TRPC4: variants seen among roughly 807,000 people sequenced by gnomAD.
The protein encoded by TRPC4 is transient receptor potential cation channel subfamily C member 4, also known as short transient receptor potential channel 4.
A neutral mutation model predicts 99.4 loss-of-function variants in TRPC4; 49 were observed. The ratio of observed to expected loss-of-function variants is 0.49; its 90% CI spans 0.39 to 0.63. The LOEUF is 0.63. Ranked by LOEUF, TRPC4 falls within the 20% of genes least tolerant of loss-of-function variation. The probability of loss-of-function intolerance (pLI) is 0.00; values close to 1 mark genes in which losing one functional copy is unlikely to be tolerated. For missense variants in TRPC4, 898 were observed against 1,152.9 expected, an observed-to-expected ratio of 0.78 and a Z score of 3.20; for synonymous variants, 454 against 425.9, an observed-to-expected ratio of 1.07 and a Z score of -0.81.
chr13:37,867,136 A>ACAACAATCATATTTTCAAAAATT (rs1959813569), intron 1 of TRPC4, among the ~76,000 whole-genome samples: 1 of 151,948 alleles, frequency 6.6e-6, no homozygotes, highest in African/African-American at 2.4e-5. Context: ...TTTCAAAAAT[A>ACAACAATCATATTTTCAAAAATT]CAACAATCAT....
At chr13:37,642,982 A>G (rs7332408) in intron 8 of TRPC4, among the ~76,000 whole-genome samples, 150,193 of 152,198 alleles carry the variant, frequency 0.99, 74,142 homozygotes, top group Middle Eastern at 1. Context: ...TGCCTGCCTC[A>G]ATCTCCCAAA....
At chr13:37,843,951 C>T (rs1593304374) in intron 1 of TRPC4, among the ~76,000 whole-genome samples, 1 of 152,306 alleles carries the variant, frequency 6.6e-6, no homozygotes, top group South Asian at 2.1e-4. Context: ...TGTGCCACCC[C>T]TCTCCCAAGC....
chr13:37,637,450 AG>A lies in TRPC4; in HGVS notation c.2386del (p.Leu796PhefsTer4). On this transcript the variant is annotated frameshift_variant, in exon 11 of 11. Transcript: ENST00000379705. LOFTEE classifies it high-confidence loss of function. The stretch of plus-strand genomic sequence containing the variant: ...ATGAATCAGGGTGGTTAAATCAAAA[AG>A]GCTGAAATTCTTTTTCTTGTCCTTG... ...NSKDKKKNFS[L>X]FDLTTLIHPR... 1 of 1,613,680 alleles carries A rather than the reference AG, an allele frequency of 6.2e-7. No homozygotes were observed. Among genetic ancestry groups the A allele is most frequent in the South Asian group, 1.1e-5 (1 of 91,026 alleles).
Position 37,692,278 on chromosome 13 carries a change from G to T in TRPC4, c.955C>A (p.Pro319Thr). The T allele has an allele frequency of 6.2e-7, 1 of 1,614,096 alleles. No homozygotes were observed. The highest frequency in any genetic ancestry group is 8.5e-7 in the Non-Finnish European group (1 of 1,180,004). ...GCCCAGTGTCTTCTCCTCCAGCCTG[G>T]AAACTCATCGTACCAGCGAGATGCC... The part of the protein sequence containing the change: ...LLASRWYDEF[P>T]GWRRRHWAVK... Residue 319 changes from proline (P) to threonine (T), a missense_variant, in exon 4 of 11, where the codon CCA becomes ACA. Physicochemically the swap from Pro to Thr is conservative, Grantham distance 38. Around this residue, in one of 3 missense-constraint regions of TRPC4, gnomAD observed 274 missense variants for 454.9 expected, o/e 0.60. Transcript: ENST00000379705.
At chr13:37,815,471 C>A (rs930530043) in intron 1 of TRPC4, among the ~76,000 whole-genome samples, 11 of 148,980 alleles carry the variant, frequency 7.4e-5, no homozygotes, top group African/African-American at 2.2e-4. Flanking sequence ...ATTGATAGTT[C>A]AATTTCAGAC....
At chr13:37,808,059 G>C (rs1957575806) in intron 1 of TRPC4, among the ~76,000 whole-genome samples, 1 of 151,948 alleles carries the variant, frequency 6.6e-6, no homozygotes, top group African/African-American at 2.4e-5. Context: ...TTATTTAGCA[G>C]AACTTTTCTA....
At chr13:37,777,931 T>G (rs922138654) in intron 2 of TRPC4, among the ~76,000 whole-genome samples, 2 of 152,028 alleles carry the variant, frequency 1.3e-5, no homozygotes, top group African/African-American at 4.8e-5. Flanking sequence ...CACTCTGTGC[T>G]CTTTCCCAGC....
intron 1 of TRPC4, among the ~76,000 whole-genome samples, chr13:37,829,828 C>T (rs995515163): frequency 6.6e-6 from 1 of 152,108 alleles, no homozygotes; most frequent in African/African-American, 2.4e-5. Flanking sequence ...AGCACTAGTT[C>T]GTACTACAAC....
At chr13:37,662,421 G>A (rs1231690748) in intron 6 of TRPC4, among the ~76,000 whole-genome samples, 5 of 152,146 alleles carry the variant, frequency 3.3e-5, no homozygotes, top group Admixed American at 3.3e-4. Flanking sequence ...ATAAAAAGAT[G>A]ATGAATAACT....
chr13:37,726,185 G>C (rs949961905), intron 3 of TRPC4, among the ~76,000 whole-genome samples: 98 of 150,152 alleles, frequency 6.5e-4, no homozygotes, highest in African/African-American at 2.3e-3. Flanking sequence ...GACAGAGTGA[G>C]ACACCGTCCC....
At chr13:37,715,625 T>C (rs958468172) in intron 3 of TRPC4, among the ~76,000 whole-genome samples, 148 of 152,290 alleles carry the variant, frequency 9.7e-4, no homozygotes, top group African/African-American at 3.5e-3. Context: ...ATTTGAAATA[T>C]TGCTGTATCT....
rs74047198 is a variant in TRPC4, at chr13:37,839,579, T to G, written c.-28+30016A>C. Among the ~76,000 whole-genome samples, 1,018 of 152,296 alleles carry G rather than the reference T, an allele frequency of 6.7e-3. 14 individuals are homozygous for G. The highest frequency in any genetic ancestry group is 0.023 in the African/African-American group (965 of 41,574). Reference sequence around the variant, plus strand: ...ATCCTGTCATTTAATGAGGGATCATTATGTACCAAGCATTGTGATTTATTT... The same window carrying G: ...ATCCTGTCATTTAATGAGGGATCATGATGTACCAAGCATTGTGATTTATTT... On this transcript the variant is annotated intron_variant, in intron 1 of 10. Transcript: ENST00000379705.
intron 6 of TRPC4, among the ~76,000 whole-genome samples, chr13:37,658,069 T>G (rs1952303063): frequency 6.6e-6 from 1 of 152,196 alleles, no homozygotes. Context: ...GAAATGTTTT[T>G]GTCATTAGTA....
chr13:37,821,607 A>G (rs1349327525), intron 1 of TRPC4, among the ~76,000 whole-genome samples: 1 of 152,180 alleles, frequency 6.6e-6, no homozygotes, highest in Non-Finnish European at 1.5e-5. Context: ...ACTGGTAGAA[A>G]AAGAGACACA....
At position 37,739,393 on chromosome 13, in the gene TRPC4, G is replaced by A. The variant is rs370912187; in HGVS notation, c.897+6544C>T. ...ACATAAATGACTCAGTTATGACGGG[G>A]AACACCATAAGGACTATGGTGTTTT... On this transcript the variant is annotated intron_variant, in intron 3 of 10. Transcript: ENST00000379705. Among the ~76,000 whole-genome samples the A allele has an allele frequency of 7.3e-4, 111 of 152,114 alleles. 1 individual carries two copies. The highest frequency in any genetic ancestry group is 2.6e-3 in the African/African-American group (106 of 41,490).
chr13:37,849,162 A>C (rs1958991675), intron 1 of TRPC4, among the ~76,000 whole-genome samples: 1 of 152,160 alleles, frequency 6.6e-6, no homozygotes, highest in Admixed American at 6.6e-5. Flanking sequence ...ATAGAAGGGT[A>C]TCTCAGAGGT....
intron 3 of TRPC4, among the ~76,000 whole-genome samples, chr13:37,710,652 A>G (rs573237445): frequency 6.6e-6 from 1 of 152,092 alleles, no homozygotes; most frequent in East Asian, 1.9e-4. Flanking sequence ...TACTAAATAC[A>G]TACTTTCTAC....
intron 7 of TRPC4, among the ~76,000 whole-genome samples, chr13:37,653,523 C>A (rs950238034): frequency 2.6e-5 from 4 of 152,084 alleles, no homozygotes; most frequent in African/African-American, 9.7e-5. Flanking sequence ...AAATGCTTGG[C>A]ATGTTCGTGC....
chr13:37,836,477 G>A (rs1271570613), intron 1 of TRPC4, among the ~76,000 whole-genome samples: 5 of 152,076 alleles, frequency 3.3e-5, no homozygotes, highest in African/African-American at 9.7e-5. Flanking sequence ...AGGTTGAGGT[G>A]GTTTCAGATG....
Sources: gnomAD v4.1 joint callset for allele counts (sites outside exome capture counted in the v4.1 genomes callset) on GRCh38, gnomAD v4.1.1 for gene constraint, gnomAD v4.1.1 regional missense constraint, MANE v1.5 for transcripts, NCBI Gene and HGNC (gene_info 2026-07-23, HGNC 2026-07-21) for gene names.